Variants in HAVCR1 observed in about 807,000 individuals in gnomAD.
HAVCR1 encodes T cell immunoglobin domain and mucin domain protein 1.
In HAVCR1, 34 loss-of-function variants were observed where a neutral mutation model predicts 32.0. The observed-to-expected ratio is 1.06, with a 90% CI of 0.81 to 1.42. The LOEUF is 1.42. HAVCR1 is among the 40% of genes most tolerant of loss of function. The pLI is 0.00. For missense variants in HAVCR1, 420 were observed against 442.3 expected, an observed-to-expected ratio of 0.95 and a Z score of 0.45; for synonymous variants, 178 against 170.3, an observed-to-expected ratio of 1.05 and a Z score of -0.35.
chr5:157,033,972 G>C (rs1754338025), intron 7 of HAVCR1, among the ~76,000 whole-genome samples: 1 of 152,196 alleles, frequency 6.6e-6, no homozygotes, highest in African/African-American at 2.4e-5. Context: ...AGAATTGCTT[G>C]AACCTGGGAG....
At chr5:157,048,699 G>A (rs190441605) in intron 5 of HAVCR1, among the ~76,000 whole-genome samples, 127 of 152,148 alleles carry the variant, frequency 8.3e-4, no homozygotes, top group African/African-American at 2.5e-3. Context: ...GCGTGGTGGC[G>A]GGCGCCTGTA....
At chr5:157,037,107 T>C (rs761372202) in intron 7 of HAVCR1, 140 bp downstream of exon 7, 41 of 680,624 alleles carry the variant, frequency 6.0e-5, no homozygotes, top group Admixed American at 9.1e-5. Flanking sequence ...GGTATTACCA[T>C]GTGACTTTTA....
intron 3 of HAVCR1, 86 bp downstream of exon 3, chr5:157,055,115 C>A: frequency 1.4e-6 from 1 of 694,120 alleles, no homozygotes; most frequent in South Asian, 2.0e-5. Flanking sequence ...TTACGGGAAC[C>A]TCCTCTTTCC....
intron 4 of HAVCR1, among the ~76,000 whole-genome samples, 165 bp from the exon 5 acceptor site, chr5:157,049,310 A>C (rs770752009): frequency 6.6e-6 from 1 of 152,232 alleles, no homozygotes; most frequent in Non-Finnish European, 1.5e-5. Flanking sequence ...CCCACTTCTG[A>C]ACCTTTCGGC....
At chr5:157,035,022 A>G (rs13188561) in intron 7 of HAVCR1, among the ~76,000 whole-genome samples, 10,066 of 152,088 alleles carry the variant, frequency 0.066, 899 homozygotes, top group African/African-American at 0.2. Context: ...TTCCAGTCTG[A>G]GTGACAGAGC....
intron 8 of HAVCR1, among the ~76,000 whole-genome samples, chr5:157,030,671 T>C (rs1754121741): frequency 6.6e-6 from 1 of 152,108 alleles, no homozygotes; most frequent in African/African-American, 2.4e-5. Context: ...GTAGAAACAG[T>C]GGAAATACAA....
intron 8 of HAVCR1, among the ~76,000 whole-genome samples, chr5:157,030,666 A>C (rs1754121252): frequency 6.6e-6 from 1 of 152,224 alleles, no homozygotes; most frequent in Admixed American, 6.5e-5. Context: ...AATCAGTAGA[A>C]ACAGTGGAAA....
chr5:157,062,688 G>A (rs1756513302), upstream of HAVCR1, among the ~76,000 whole-genome samples: 1 of 151,970 alleles, frequency 6.6e-6, no homozygotes, highest in Non-Finnish European at 1.5e-5. Flanking sequence ...TTCTCTTCCT[G>A]CCCTGCCCAC....
upstream of HAVCR1, among the ~76,000 whole-genome samples, chr5:157,060,474 C>T (rs568096808): frequency 1.1e-4 from 16 of 152,058 alleles, no homozygotes; most frequent in Non-Finnish European, 1.9e-4. Flanking sequence ...TTAAATATGA[C>T]CTCCCTGGAC....
chr5:157,043,833 C>T (rs1319594727), intron 5 of HAVCR1, among the ~76,000 whole-genome samples: 2 of 152,138 alleles, frequency 1.3e-5, no homozygotes, highest in South Asian at 2.1e-4. Context: ...AATGGTTAAA[C>T]GATGATTTCT....
chr5:157,064,737 G>C, the HAVCR1 span, among the ~76,000 whole-genome samples: 1 of 152,030 alleles, frequency 6.6e-6, no homozygotes, highest in Non-Finnish European at 1.5e-5. Flanking sequence ...GCATGGTCGT[G>C]GGTGCCTGTA....
Position 157,029,628 on chromosome 5 carries a change from T to G in HAVCR1, c.*105A>C, listed in dbSNP as rs772581266. 1.3e-6 allele frequency: 2 copies of G among 1,560,854 alleles called. No individual in the cohort carries two copies. The highest frequency in any genetic ancestry group is 1.7e-6 in the Non-Finnish European group (2 of 1,156,056). ...GACATGTTGGAATGCCAGATGAAAC[T>G]GAAACAGAAAAATTGTCTTGGGGTC... On this transcript the variant is annotated 3_prime_UTR_variant, in exon 9 of 9. Coordinates refer to ENST00000523175, the MANE Select transcript of HAVCR1 (RefSeq NM_001173393.3).
At position 157,035,794 on chromosome 5, in the gene HAVCR1, T is replaced by TA. The variant is rs199662466; in HGVS notation, c.952+1452dup. On this transcript the variant is annotated intron_variant, in intron 7 of 8. Coordinates refer to ENST00000523175, the MANE Select transcript of HAVCR1 (RefSeq NM_001173393.3). ...TTTCAACCACTCGCAAATTGAAAATTAAAAAAAAAATAAAAATAATACACA... is the reference window on the plus strand; with the variant it reads ...TTTCAACCACTCGCAAATTGAAAATTAAAAAAAAAAATAAAAATAATACACA... Among the ~76,000 whole-genome samples, 1,202 of 149,114 alleles carry TA rather than the reference T, an allele frequency of 8.1e-3. 10 individuals are homozygous for TA. Among genetic ancestry groups the TA allele is most frequent in the Non-Finnish European group, 0.013 (847 of 67,112 alleles).
chr5:157,045,639 A>G (rs1755349574), intron 5 of HAVCR1, among the ~76,000 whole-genome samples: 1 of 152,222 alleles, frequency 6.6e-6, no homozygotes, highest in Admixed American at 6.5e-5. Flanking sequence ...CCTTGAAAGA[A>G]TTAAACAAGA....
At chr5:157,039,061 A>C (rs1475383534) in intron 6 of HAVCR1, among the ~76,000 whole-genome samples, 2 of 152,198 alleles carry the variant, frequency 1.3e-5, no homozygotes, top group Non-Finnish European at 2.9e-5. Context: ...ATGAGTCTGC[A>C]GTGAGCTGTG....
At position 157,053,125 on chromosome 5, in the gene HAVCR1, G is replaced by A. The variant is rs543775292; in HGVS notation, c.380-471C>T. 4.6e-5 allele frequency among the ~76,000 whole-genome samples: 7 copies of A among 152,200 alleles called. No individual in the cohort carries two copies. In the East Asian group the frequency reaches 7.8e-4, roughly 17 times the overall value. Reference sequence around the variant, plus strand: ...GTAGAGACTGGGCGTGGTGGCTCACGCCTGTAATCCCAGCACTTTATGGGG... The same window carrying A: ...GTAGAGACTGGGCGTGGTGGCTCACACCTGTAATCCCAGCACTTTATGGGG... On this transcript the variant is annotated intron_variant, in intron 3 of 8. Coordinates refer to ENST00000523175, the MANE Select transcript of HAVCR1 (RefSeq NM_001173393.3).
chr5:157,048,963 C>T (rs928970406), intron 5 of HAVCR1, 75 bp downstream of exon 5: 64 of 842,572 alleles, frequency 7.6e-5, no homozygotes, highest in African/African-American at 6.8e-4. Context: ...TATTCCAGAG[C>T]GTGTGCTCTC....
intron 4 of HAVCR1, among the ~76,000 whole-genome samples, chr5:157,050,225 T>C (rs1755656998): frequency 6.6e-6 from 1 of 152,214 alleles, no homozygotes; most frequent in East Asian, 1.9e-4. Flanking sequence ...TGGCTCTCTT[T>C]CGGAACGAAA....
chr5:157,052,601 G>C lies in HAVCR1; in HGVS notation c.433C>G (p.Arg145Gly), dbSNP rs768594799. 1 of 1,612,826 alleles carries C rather than the reference G, an allele frequency of 6.2e-7. No homozygotes were observed. The highest frequency in any genetic ancestry group is 8.5e-7 in the Non-Finnish European group (1 of 1,179,144). Residue 145 changes from arginine (R) to glycine (G), a missense_variant, in exon 4 of 9, where the codon CGA becomes GGA. By Grantham distance (125) the Arg-to-Gly change is moderately radical. Transcript: ENST00000523175. Reference sequence around the variant, plus strand: ...GTCGTTGGAACAGTGGTGCTCGTTCGAACAGTCGTGACGGTTGGAACAGTT... The same window carrying C: ...GTCGTTGGAACAGTGGTGCTCGTTCCAACAGTCGTGACGGTTGGAACAGTT... ...VTTVPTVTTVRTSTTVPTTTT... is the reference protein window; with the variant it reads ...VTTVPTVTTVGTSTTVPTTTT...
Sources: allele counts gnomAD v4.1 joint callset (sites outside exome capture counted in the v4.1 genomes callset), GRCh38; gene constraint gnomAD v4.1.1; transcripts MANE v1.5; gene names NCBI Gene and HGNC (gene_info 2026-07-23, HGNC 2026-07-21).